Variants in LOC400499 observed in about 807,000 individuals in gnomAD.
chr16:11,467,454 T>TA, the LOC400499 span, among the ~76,000 whole-genome samples: 1 of 132,090 alleles, frequency 7.6e-6, no homozygotes, highest in Non-Finnish European at 1.6e-5. Flanking sequence ...TACAAAAATA[T>TA]AAAAAAAAGA....
the LOC400499 span, among the ~76,000 whole-genome samples, chr16:11,429,711 T>G: frequency 6.6e-6 from 1 of 151,826 alleles, no homozygotes; most frequent in South Asian, 2.1e-4. Flanking sequence ...TGGCTACAAG[T>G]GATCTGCCCG....
chr16:11,389,040 T>C, the LOC400499 span, among the ~76,000 whole-genome samples: 1 of 152,234 alleles, frequency 6.6e-6, no homozygotes, highest in East Asian at 1.9e-4. Flanking sequence ...TGAGCTGAGA[T>C]CACAGCATTG....
chr16:11,490,700 C>A, the LOC400499 span, among the ~76,000 whole-genome samples: 7 of 151,948 alleles, frequency 4.6e-5, no homozygotes, highest in Non-Finnish European at 8.8e-5. Context: ...GACTCCGTCT[C>A]AAAAAACAAA....
chr16:11,406,919 A>G, the LOC400499 span, among the ~76,000 whole-genome samples: 26 of 152,264 alleles, frequency 1.7e-4, no homozygotes, highest in Non-Finnish European at 1.3e-4. Flanking sequence ...CGGGGAGTCA[A>G]TCTCCCCCGC....
At chr16:11,392,822 C>T in the LOC400499 span, 1 of 981,630 alleles carries the variant, frequency 1.0e-6, no homozygotes, top group Non-Finnish European at 1.2e-6. Context: ...AGGAACACAT[C>T]ACCCCCTACC....
chr16:11,505,833 A>T, the LOC400499 span, among the ~76,000 whole-genome samples: 1 of 152,086 alleles, frequency 6.6e-6, no homozygotes, highest in African/African-American at 2.4e-5. Context: ...TCAAATCAGG[A>T]TAATTGCGAT....
the LOC400499 span, among the ~76,000 whole-genome samples, chr16:11,518,377 A>C: frequency 6.6e-6 from 1 of 152,110 alleles, no homozygotes; most frequent in Non-Finnish European, 1.5e-5. Context: ...AACAAGCCAC[A>C]GGGAGAATCC....
the LOC400499 span, among the ~76,000 whole-genome samples, chr16:11,459,632 C>T: frequency 2.0e-5 from 3 of 152,198 alleles, no homozygotes; most frequent in South Asian, 2.1e-4. Context: ...AAAAGCGAAC[C>T]GCTCTTTCAA....
the LOC400499 span, chr16:11,387,193 C>G: frequency 3.2e-6 from 4 of 1,232,298 alleles, no homozygotes; most frequent in Non-Finnish European, 4.0e-6. Context: ...CTCGGAGCGG[C>G]CGCAGCAGCT....
the LOC400499 span, among the ~76,000 whole-genome samples, chr16:11,374,984 G>A: frequency 1.3e-5 from 2 of 152,030 alleles, no homozygotes; most frequent in Non-Finnish European, 2.9e-5. Flanking sequence ...AAATAGCTGG[G>A]ATTACAGGCC....
the LOC400499 span, among the ~76,000 whole-genome samples, chr16:11,507,118 G>T: frequency 3.3e-5 from 5 of 152,338 alleles, no homozygotes; most frequent in African/African-American, 1.2e-4. Flanking sequence ...CAGGGGAAAT[G>T]TCCAGTTAGG....
chr16:11,442,563 A>G, the LOC400499 span: 4 of 152,284 alleles, frequency 2.6e-5, no homozygotes, highest in East Asian at 7.7e-4. Flanking sequence ...AAATTATATG[A>G]AACTAAACGA....
chr16:11,398,601 A>T, the LOC400499 span: 1 of 987,954 alleles, frequency 1.0e-6, no homozygotes, highest in African/African-American at 1.7e-5. Flanking sequence ...AGGCAAGAGC[A>T]TGTGCCAGGA....
the LOC400499 span, among the ~76,000 whole-genome samples, chr16:11,504,579 C>T: frequency 0.56 from 84,376 of 151,474 alleles, 24,417 homozygotes; most frequent in Admixed American, 0.69. Context: ...AAGACGGATA[C>T]GTAGGTCGAT....
chr16:11,476,819 C>G, the LOC400499 span: 1 of 399,346 alleles, frequency 2.5e-6, no homozygotes. Context: ...ACCTTAAGGA[C>G]CCGGCCCTTC....
chr16:11,438,835 C>T, the LOC400499 span, among the ~76,000 whole-genome samples: 1 of 152,068 alleles, frequency 6.6e-6, no homozygotes, highest in Non-Finnish European at 1.5e-5. Context: ...TGGCTCATGC[C>T]TGTAATCTTA....
chr16:11,499,404 G>T, the LOC400499 span, among the ~76,000 whole-genome samples: 100 of 151,932 alleles, frequency 6.6e-4, 1 homozygote, highest in African/African-American at 2.4e-3. Flanking sequence ...CTAAGCCCAG[G>T]GCAGGTCTTG....
the LOC400499 span, among the ~76,000 whole-genome samples, chr16:11,405,499 G>A: frequency 2.0e-5 from 3 of 152,214 alleles, no homozygotes; most frequent in African/African-American, 7.2e-5. Flanking sequence ...AGCTTGGGGA[G>A]GAGGCAGGGA....
chr16:11,488,321 G>A, the LOC400499 span, among the ~76,000 whole-genome samples: 1 of 152,058 alleles, frequency 6.6e-6, no homozygotes, highest in African/African-American at 2.4e-5. Flanking sequence ...TAAAATAACT[G>A]ATATGACTTC....
Sources: allele counts gnomAD v4.1 joint callset (sites outside exome capture counted in the v4.1 genomes callset), GRCh38; gene constraint gnomAD v4.1.1; transcripts MANE v1.5.